The following CSGALNACT2 variants were observed in gnomAD, a reference collection of about 807,000 sequenced individuals.
CSGALNACT2 encodes the protein chondroitin sulfate N-acetylgalactosaminyltransferase 2.
CSGALNACT2 carries 35 observed loss-of-function variants against 55.3 expected under a neutral mutation model. That is an observed-to-expected ratio of 0.63 (90% CI 0.48 to 0.84). The LOEUF is 0.84. Among genes scored for constraint, CSGALNACT2 ranks in the 40% least tolerant of loss-of-function variants. The probability of loss-of-function intolerance (pLI) is 0.00; values close to 1 mark genes in which losing one functional copy is unlikely to be tolerated. For synonymous variants in CSGALNACT2, 196 were observed against 224.9 expected (o/e 0.87, Z 1.15); for missense variants, 544 against 657.5 (o/e 0.83, Z 1.89).
intron 1 of CSGALNACT2, among the ~76,000 whole-genome samples, chr10:43,144,297 T>A (rs1295378603): frequency 6.6e-6 from 1 of 152,236 alleles, no homozygotes; most frequent in Non-Finnish European, 1.5e-5. Flanking sequence ...GTGTTCATAG[T>A]ACCAAAAATT....
intron 6 of CSGALNACT2, among the ~76,000 whole-genome samples, chr10:43,174,561 G>T (rs572472174): frequency 6.6e-6 from 1 of 152,170 alleles, no homozygotes; most frequent in Non-Finnish European, 1.5e-5. Context: ...CATCTTGGTT[G>T]ATCCTTCTCC....
At chr10:43,168,550 G>A (rs547524029) in intron 6 of CSGALNACT2, among the ~76,000 whole-genome samples, 23 of 152,184 alleles carry the variant, frequency 1.5e-4, no homozygotes, top group Admixed American at 1.3e-3. Flanking sequence ...TAAATACAAT[G>A]TTTTAATTTA....
Position 43,155,370 on chromosome 10 carries a change from G to T in CSGALNACT2, c.221G>T (p.Ser74Ile), listed in dbSNP as rs1478863440. 6.2e-7 allele frequency: 1 copy of T among 1,614,044 alleles called. No individual in the cohort carries two copies. The highest frequency in any genetic ancestry group is 1.7e-5 in the Admixed American group (1 of 59,996). The change falls in exon 2 of 8, where the codon AGT becomes ATT. Residue 74 changes from serine (S) to isoleucine (I), a missense_variant. Coordinates refer to ENST00000374466, the MANE Select transcript of CSGALNACT2 (RefSeq NM_018590.5). The part of the protein sequence containing the change: ...QEEHYQTRAT[S>I]LKRQIAQLKQ... ...GAACATTATCAGACCAGGGCAACCA[G>T]TCTGAAACGCCAAATTGCCCAACTA...
chr10:43,171,989 T>C lies in CSGALNACT2; in HGVS notation c.1255-3962T>C, dbSNP rs538461856. On this transcript the variant is annotated intron_variant, in intron 6 of 7. Transcript: ENST00000374466. ...TGCTTTGTTTCTGCTGTTAGGTCAC[T>C]GCTTTTAAAAAGCAAAGCCATGTGA... 2.4e-3 allele frequency among the ~76,000 whole-genome samples: 358 copies of C among 152,334 alleles called. 3 individuals carry two copies. The highest frequency in any genetic ancestry group is 7.7e-3 in the African/African-American group (319 of 41,554).
Position 43,163,935 on chromosome 10 carries a change from T to G in CSGALNACT2, c.1050T>G (p.Asn350Lys). 1 of 1,614,184 alleles carries G rather than the reference T, an allele frequency of 6.2e-7. No individual in the cohort carries two copies. Among genetic ancestry groups the G allele is most frequent in the Non-Finnish European group, 8.5e-7 (1 of 1,180,020 alleles). The change falls in exon 5 of 8, where the codon AAT becomes AAG. Residue 350 changes from asparagine (N) to lysine (K), a missense_variant. By Grantham distance (94) the Asn-to-Lys change is moderately conservative. This residue lies in a region of CSGALNACT2 where 170 missense variants were observed against 256.2 expected (regional missense o/e 0.66). Transcript: ENST00000374466. Reference sequence around the variant, plus strand: ...AATTTAATCGTGGACGAGGACTAAATGTGGGTGCCCGAGCTTGGGACAAGG... The same window carrying G: ...AATTTAATCGTGGACGAGGACTAAAGGTGGGTGCCCGAGCTTGGGACAAGG... ...NEEFNRGRGL[N>K]VGARAWDKGE...
chr10:43,178,372 C>T (rs767975889), intron 7 of CSGALNACT2, among the ~76,000 whole-genome samples: 1 of 152,160 alleles, frequency 6.6e-6, no homozygotes, highest in Non-Finnish European at 1.5e-5. Context: ...CCTGTAATCC[C>T]AGCACTTTGG....
At chr10:43,162,618 C>A (rs1015702333) in intron 4 of CSGALNACT2, 1 of 985,430 alleles carries the variant, frequency 1.0e-6, no homozygotes, top group East Asian at 1.1e-4. Context: ...TGTTCCATCT[C>A]TCCATTACCC....
At chr10:43,163,208 C>G in intron 4 of CSGALNACT2, 14 of 984,994 alleles carry the variant, frequency 1.4e-5, no homozygotes, top group Non-Finnish European at 1.7e-5. Context: ...TCTAACTACT[C>G]CAGACATGAG....
intron 5 of CSGALNACT2, 107 bp from the exon 6 acceptor site, chr10:43,166,897 A>T (rs1298667465): frequency 1.7e-6 from 1 of 598,862 alleles, no homozygotes; most frequent in African/African-American, 1.9e-5. Context: ...TAAAAAATAG[A>T]TAAAATCATG....
At chr10:43,163,051 G>C (rs944221978) in intron 4 of CSGALNACT2, 2 of 985,192 alleles carry the variant, frequency 2.0e-6, no homozygotes, top group Non-Finnish European at 2.4e-6. Context: ...CTACCAATCT[G>C]ATTTGTCTGA....
intron 1 of CSGALNACT2, among the ~76,000 whole-genome samples, chr10:43,143,462 T>C (rs768434263): frequency 7.1e-4 from 108 of 151,854 alleles, no homozygotes; most frequent in Non-Finnish European, 1.3e-3. Context: ...TTAAACGGCC[T>C]GTGCATTTAA....
chr10:43,174,508 T>C (rs1056295539), intron 6 of CSGALNACT2, among the ~76,000 whole-genome samples: 8 of 152,308 alleles, frequency 5.3e-5, no homozygotes, highest in Middle Eastern at 3.4e-3. Context: ...ATCTTAGGGA[T>C]AGCACCATTA....
At chr10:43,167,963 G>A (rs1210597465) in intron 6 of CSGALNACT2, among the ~76,000 whole-genome samples, 1 of 139,286 alleles carries the variant, frequency 7.2e-6, no homozygotes, top group African/African-American at 2.8e-5. Context: ...AGAAGCTTAT[G>A]TTTATGTACA....
intron 6 of CSGALNACT2, among the ~76,000 whole-genome samples, chr10:43,169,634 T>C (rs1224497538): frequency 2.0e-5 from 3 of 151,950 alleles, no homozygotes; most frequent in Non-Finnish European, 4.4e-5. Context: ...AGCCAGAAGC[T>C]CCCAAATTAT....
At chr10:43,163,266 T>G (rs1742339338) in intron 4 of CSGALNACT2, 1 of 950,820 alleles carries the variant, frequency 1.1e-6, no homozygotes. Context: ...CAGCAAATAT[T>G]TATTGAACTC....
chr10:43,143,124 T>C (rs1838666343), intron 1 of CSGALNACT2, among the ~76,000 whole-genome samples: 1 of 152,232 alleles, frequency 6.6e-6, no homozygotes, highest in Admixed American at 6.5e-5. Context: ...AAAACCATGA[T>C]GCAGATCTTT....
intron 4 of CSGALNACT2, among the ~76,000 whole-genome samples, chr10:43,161,000 TC>T (rs1249754818): frequency 6.6e-6 from 1 of 152,102 alleles, no homozygotes. Context: ...CTTAAGAAAC[TC>T]CCACTCAACT....
In CSGALNACT2 at chr10:43,158,721, A is replaced by G. The variant is rs541538089; in HGVS notation, c.668A>G (p.Tyr223Cys). ...FNENDFVEGYYRTERDKGTQY... is the reference protein window; with the variant it reads ...FNENDFVEGYCRTERDKGTQY... ...TCCTAACTCTTTCCTTTAGGTTATTATCGCACTGAGAGAGATAAGGGCACA... is the reference window on the plus strand; with the variant it reads ...TCCTAACTCTTTCCTTTAGGTTATTGTCGCACTGAGAGAGATAAGGGCACA... Residue 223 changes from tyrosine (Y) to cysteine (C), a missense_variant, in exon 3 of 8, where the codon TAT becomes TGT. Tyr to Cys is a radical substitution (Grantham distance 194, BLOSUM62 -2). Around this residue, in one of 2 missense-constraint regions of CSGALNACT2, gnomAD observed 374 missense variants for 401.3 expected, o/e 0.93. Transcript: ENST00000374466. The G allele has an allele frequency of 1.9e-6, 3 of 1,584,994 alleles. No homozygotes were observed. The highest frequency in any genetic ancestry group is 1.3e-5 in the African/African-American group (1 of 74,404).
At chr10:43,179,614 T>C (rs1264394802) in intron 7 of CSGALNACT2, among the ~76,000 whole-genome samples, 1 of 152,218 alleles carries the variant, frequency 6.6e-6, no homozygotes, top group African/African-American at 2.4e-5. Context: ...TGTTCACTAA[T>C]TGCTGTCTTG....
Sources: gnomAD v4.1 joint callset for allele counts (sites outside exome capture counted in the v4.1 genomes callset) on GRCh38, gnomAD v4.1.1 for gene constraint, gnomAD v4.1.1 regional missense constraint, MANE v1.5 for transcripts, NCBI Gene and HGNC (gene_info 2026-07-23, HGNC 2026-07-21) for gene names.